The following GPC6 variants were observed in gnomAD, a reference collection of about 807,000 sequenced individuals.
The protein encoded by GPC6 is glypican 6, also known as glypican-6.
GPC6 carries 14 observed loss-of-function variants against 55.2 expected under a neutral mutation model. The ratio of observed to expected loss-of-function variants is 0.25; its 90% CI spans 0.17 to 0.40. The LOEUF (loss-of-function observed/expected upper bound fraction) is 0.40, where lower values mean the gene tolerates loss of function less well. Among genes scored for constraint, GPC6 ranks in the 10% least tolerant of loss-of-function variants. The pLI is 1.00. For missense variants in GPC6, 641 were observed against 708.5 expected (o/e 0.90, Z 1.08); for synonymous variants, 278 against 259.6 (o/e 1.07, Z -0.68).
At chr13:93,245,144 G>T (rs1227784159) in intron 1 of GPC6, among the ~76,000 whole-genome samples, 1 of 152,148 alleles carries the variant, frequency 6.6e-6, no homozygotes, top group Non-Finnish European at 1.5e-5. Context: ...GGTAAGTTTT[G>T]TGGTATAAAT....
chr13:93,944,243 G>A (rs967819217), intron 3 of GPC6, among the ~76,000 whole-genome samples: 1 of 149,248 alleles, frequency 6.7e-6, no homozygotes, highest in Non-Finnish European at 1.5e-5. Context: ...TTGCTCTGTC[G>A]CCCAGGCTGG....
At chr13:93,564,159 G>A (rs1033604333) in intron 2 of GPC6, among the ~76,000 whole-genome samples, 3 of 152,002 alleles carry the variant, frequency 2.0e-5, no homozygotes, top group African/African-American at 4.8e-5. Flanking sequence ...TTAAGACTAA[G>A]GATGAAATAG....
chr13:94,397,772 A>G (rs1405316591), intron 7 of GPC6, among the ~76,000 whole-genome samples: 2 of 152,172 alleles, frequency 1.3e-5, no homozygotes, highest in East Asian at 3.9e-4. Flanking sequence ...AACATTTGGG[A>G]TGGAGGGAGG....
intron 2 of GPC6, among the ~76,000 whole-genome samples, chr13:93,654,239 A>G (rs1016051636): frequency 3.9e-5 from 6 of 152,000 alleles, no homozygotes; most frequent in South Asian, 2.1e-4. Context: ...ACTTTAAGTA[A>G]TTATTATTAT....
In GPC6 at chr13:93,473,412, C is replaced by G. The variant is rs1188854748; in HGVS notation, c.161-71851C>G. Among the ~76,000 whole-genome samples the G allele has an allele frequency of 2.0e-5, 3 of 152,182 alleles. No homozygotes were observed. In the East Asian group the frequency reaches 5.8e-4, roughly 29 times the overall value. On this transcript the variant is annotated intron_variant, in intron 1 of 8. Transcript: ENST00000377047. ...GCTGTGATAGCACCCATGCTTGGCC[C>G]CAACCCCACTACAAGATCGGAGCAG...
intron 2 of GPC6, among the ~76,000 whole-genome samples, chr13:93,791,977 T>G (rs1439286644): frequency 6.6e-6 from 1 of 152,246 alleles, no homozygotes; most frequent in Non-Finnish European, 1.5e-5. Flanking sequence ...AAATTGTGAA[T>G]TTTTGAAGAT....
At chr13:93,290,833 G>A (rs1206493074) in intron 1 of GPC6, among the ~76,000 whole-genome samples, 1 of 152,080 alleles carries the variant, frequency 6.6e-6, no homozygotes, top group East Asian at 1.9e-4. Context: ...GAATCCATTT[G>A]CTAAGGAGAA....
chr13:94,147,341 T>C lies in GPC6; in HGVS notation c.877+119447T>C, dbSNP rs138209663. Among the ~76,000 whole-genome samples the C allele has an allele frequency of 5.9e-5, 9 of 152,248 alleles. No individual in the cohort carries two copies. In the East Asian group the frequency reaches 1.7e-3, roughly 29 times the overall value. On this transcript the variant is annotated intron_variant, in intron 4 of 8. Coordinates refer to ENST00000377047, the MANE Select transcript of GPC6 (RefSeq NM_005708.5). Reference sequence around the variant, plus strand: ...ATACGGGTACTCCAAACACCTTGCTTGATAATTTCAGCTTGGCATCATCAT... The same window carrying C: ...ATACGGGTACTCCAAACACCTTGCTCGATAATTTCAGCTTGGCATCATCAT...
rs893094345 is a variant in GPC6, at chr13:93,326,830, A to G, written c.160+99214A>G. Among the ~76,000 whole-genome samples the G allele has an allele frequency of 7.1e-4, 108 of 152,170 alleles. 3 individuals are homozygous for G. The highest frequency in any genetic ancestry group is 3.9e-4 in the Admixed American group (6 of 15,262). Reference sequence around the variant, plus strand: ...ATGTCCAGCGAACATTTTTTTAAATACTGTGCTTCTGTGAAGGAAATACTG... The same window carrying G: ...ATGTCCAGCGAACATTTTTTTAAATGCTGTGCTTCTGTGAAGGAAATACTG... On this transcript the variant is annotated intron_variant, in intron 1 of 8. Coordinates refer to ENST00000377047, the MANE Select transcript of GPC6 (RefSeq NM_005708.5).
intron 4 of GPC6, among the ~76,000 whole-genome samples, chr13:94,059,016 A>G (rs1403100863): frequency 6.6e-6 from 1 of 152,014 alleles, no homozygotes; most frequent in Non-Finnish European, 1.5e-5. Flanking sequence ...GCTCAACTCT[A>G]GTGTTTACTT....
chr13:93,985,186 G>C (rs567895207), intron 3 of GPC6, among the ~76,000 whole-genome samples: 1 of 152,252 alleles, frequency 6.6e-6, no homozygotes, highest in East Asian at 1.9e-4. Context: ...TGTAATCCCA[G>C]CACTTTGGGA....
At chr13:93,733,135 G>A (rs1005650476) in intron 2 of GPC6, among the ~76,000 whole-genome samples, 2 of 151,962 alleles carry the variant, frequency 1.3e-5, no homozygotes, top group Admixed American at 6.6e-5. Context: ...TACTCTTTAA[G>A]TGATATTATA....
chr13:94,062,178 A>C (rs1327500808), intron 4 of GPC6, among the ~76,000 whole-genome samples: 1 of 152,142 alleles, frequency 6.6e-6, no homozygotes, highest in Non-Finnish European at 1.5e-5. Flanking sequence ...ACAGTAGCAA[A>C]ATTTGTGTCC....
intron 4 of GPC6, among the ~76,000 whole-genome samples, chr13:94,116,893 A>G (rs903045986): frequency 2.0e-5 from 3 of 151,954 alleles, no homozygotes; most frequent in Admixed American, 6.6e-5. Flanking sequence ...TTCTTTGTCA[A>G]CCTTCAAGGC....
At chr13:94,162,067 A>G (rs1304458070) in intron 4 of GPC6, among the ~76,000 whole-genome samples, 1 of 152,118 alleles carries the variant, frequency 6.6e-6, no homozygotes, top group Non-Finnish European at 1.5e-5. Context: ...CCCTCCCACA[A>G]CACATGGGAA....
At chr13:93,596,592 T>TAAAG (rs1877740640) in intron 2 of GPC6, among the ~76,000 whole-genome samples, 1 of 106,424 alleles carries the variant, frequency 9.4e-6, no homozygotes, top group Admixed American at 1.2e-4. Flanking sequence ...GGATGTGAAA[T>TAAAG]AAATAAATAA....
intron 1 of GPC6, among the ~76,000 whole-genome samples, chr13:93,415,036 C>T (rs1159620476): frequency 6.6e-6 from 1 of 152,084 alleles, no homozygotes; most frequent in Non-Finnish European, 1.5e-5. Context: ...GCCTCCGGGG[C>T]TTTTTATTGG....
chr13:93,231,313 T>TCATATATATATATATA (rs1479188238), intron 1 of GPC6, among the ~76,000 whole-genome samples: 14 of 118,194 alleles, frequency 1.2e-4, no homozygotes, highest in South Asian at 2.9e-4. Flanking sequence ...TTTCCTCATT[T>TCATATATATATATATA]CATATATATA....
chr13:93,406,688 G>A (rs191557886), intron 1 of GPC6, among the ~76,000 whole-genome samples: 1 of 152,214 alleles, frequency 6.6e-6, no homozygotes, highest in East Asian at 1.9e-4. Flanking sequence ...ATCAGTCCAA[G>A]TGATCACATT....
Sources: gnomAD v4.1 joint callset for allele counts (sites outside exome capture counted in the v4.1 genomes callset) on GRCh38, gnomAD v4.1.1 for gene constraint, MANE v1.5 for transcripts, NCBI Gene and HGNC (gene_info 2026-07-23, HGNC 2026-07-21) for gene names.